The following PXDNL variants were observed in gnomAD, a reference collection of about 807,000 sequenced individuals.
The protein encoded by PXDNL is peroxidasin like.
PXDNL carries 145 observed loss-of-function variants against 150.8 expected under a neutral mutation model. That is an observed-to-expected ratio of 0.96 (90% CI 0.84 to 1.10). The LOEUF (loss-of-function observed/expected upper bound fraction) is 1.10, where lower values mean the gene tolerates loss of function less well. Among genes scored for constraint, PXDNL ranks in the 50% least tolerant of loss-of-function variants. The pLI, the probability that PXDNL is intolerant of heterozygous loss-of-function variation, is 0.00. For synonymous variants in PXDNL, 757 were observed against 725.7 expected (o/e 1.04, Z -0.69); for missense variants, 2,087 against 1,873.9 (o/e 1.11, Z -2.10).
intron 1 of PXDNL, among the ~76,000 whole-genome samples, chr8:51,722,914 TG>T (rs1252459687): frequency 1.3e-5 from 2 of 152,094 alleles, no homozygotes; most frequent in African/African-American, 4.8e-5. Context: ...GTGGGGCCTT[TG>T]CCAGGGAACT....
chr8:51,693,346 G>C (rs16916721), intron 1 of PXDNL, among the ~76,000 whole-genome samples: 5,111 of 152,222 alleles, frequency 0.034, 282 homozygotes, highest in African/African-American at 0.11. Flanking sequence ...CATTACATTA[G>C]GATCAGTAGC....
intron 1 of PXDNL, among the ~76,000 whole-genome samples, chr8:51,767,540 G>T (rs1337536845): frequency 6.6e-6 from 1 of 152,016 alleles, no homozygotes; most frequent in Non-Finnish European, 1.5e-5. Context: ...TTGTTCAGGG[G>T]CTGTATATGT....
intron 2 of PXDNL, among the ~76,000 whole-genome samples, chr8:51,644,318 T>TTATATATATATATATATATATTTA (rs1406776100): frequency 1.6e-5 from 1 of 63,270 alleles, no homozygotes; most frequent in African/African-American, 3.7e-5. Flanking sequence ...AGGCACATTT[T>TTATATATATATATATATATATTTA]TACATATATA....
At chr8:51,759,990 G>C (rs951568533) in intron 1 of PXDNL, among the ~76,000 whole-genome samples, 2 of 152,150 alleles carry the variant, frequency 1.3e-5, no homozygotes, top group African/African-American at 4.8e-5. Flanking sequence ...TTCTCTATCA[G>C]TTCTGAGGCT....
intron 4 of PXDNL, among the ~76,000 whole-genome samples, chr8:51,527,563 C>T (rs1252965486): frequency 6.6e-6 from 1 of 152,180 alleles, no homozygotes; most frequent in Non-Finnish European, 1.5e-5. Flanking sequence ...TTATTATCCA[C>T]AGGAGATGTT....
chr8:51,409,511 TGGCGATGA>T lies in PXDNL; in HGVS notation c.2105_2112del (p.Leu702GlnfsTer316). ...CTGCGAGCTGTGCATCCAGATAAATTGGCGATGAGGCTGAGGGAGCGCGGGGACACCAA... is the reference window on the plus strand; with the variant it reads ...CTGCGAGCTGTGCATCCAGATAAATTGGCTGAGGGAGCGCGGGGACACCAA... On this transcript the variant is annotated frameshift_variant, in exon 17 of 23. Transcript: ENST00000356297. LOFTEE classifies it high-confidence loss of function. 1 of 1,610,186 alleles carries T rather than the reference TGGCGATGA, an allele frequency of 6.2e-7. No individual in the cohort carries two copies. The highest frequency in any genetic ancestry group is 8.5e-7 in the Non-Finnish European group (1 of 1,178,810).
intron 9 of PXDNL, among the ~76,000 whole-genome samples, chr8:51,455,915 T>C (rs576518984): frequency 6.6e-6 from 1 of 152,278 alleles, no homozygotes; most frequent in Admixed American, 6.5e-5. Flanking sequence ...TTAAATAAAT[T>C]ACTTGGAAAC....
chr8:51,551,994 T>A (rs1275283181), intron 4 of PXDNL, among the ~76,000 whole-genome samples: 1 of 151,784 alleles, frequency 6.6e-6, no homozygotes, highest in African/African-American at 2.4e-5. Flanking sequence ...ATGCAAGTAA[T>A]CCCATCAAAA....
chr8:51,434,242 T>A (rs1051224240), intron 12 of PXDNL, among the ~76,000 whole-genome samples: 1 of 152,270 alleles, frequency 6.6e-6, no homozygotes, highest in South Asian at 2.1e-4. Context: ...GCTACTGACA[T>A]AAAGCCTGTT....
At chr8:51,730,312 C>T (rs1311320872) in intron 1 of PXDNL, among the ~76,000 whole-genome samples, 3 of 152,194 alleles carry the variant, frequency 2.0e-5, no homozygotes, top group Non-Finnish European at 2.9e-5. Context: ...AATCAAATAA[C>T]CTTTTCTGAA....
intron 1 of PXDNL, among the ~76,000 whole-genome samples, chr8:51,753,142 G>C (rs79092986): frequency 6.6e-6 from 1 of 152,230 alleles, no homozygotes; most frequent in Non-Finnish European, 1.5e-5. Flanking sequence ...GATTTCTCTT[G>C]ATTGCGTAAC....
intron 1 of PXDNL, among the ~76,000 whole-genome samples, chr8:51,702,248 AG>A (rs1341972212): frequency 6.6e-6 from 1 of 152,170 alleles, no homozygotes; most frequent in Non-Finnish European, 1.5e-5. Flanking sequence ...GACTGACTTC[AG>A]AATGACTTGT....
chr8:51,725,195 T>C (rs1816799920), intron 1 of PXDNL, among the ~76,000 whole-genome samples: 1 of 152,132 alleles, frequency 6.6e-6, no homozygotes, highest in Non-Finnish European at 1.5e-5. Context: ...CTAGAAAGTA[T>C]CAGATCTTCC....
chr8:51,332,172 A>G (rs955788120), intron 21 of PXDNL, among the ~76,000 whole-genome samples: 1 of 152,204 alleles, frequency 6.6e-6, no homozygotes, highest in East Asian at 1.9e-4. Flanking sequence ...AGAAACCACC[A>G]GGACCAGCCA....
chr8:51,395,435 G>A (rs1224026561), intron 17 of PXDNL, among the ~76,000 whole-genome samples: 2 of 152,102 alleles, frequency 1.3e-5, no homozygotes, highest in African/African-American at 4.8e-5. Context: ...GTGAAATGTA[G>A]ATATCAATGC....
Position 51,374,712 on chromosome 8 carries a change from CACCTGGAGAGCCGTACA to C in PXDNL, c.3560_3576del (p.Leu1187Ter). On this transcript the variant is annotated frameshift_variant and splice_region_variant, in exon 18 of 23. Transcript: ENST00000356297. LOFTEE classifies it high-confidence loss of function. Reference sequence around the variant, plus strand: ...ATAAGGGCGGGCCAGAGGTCAATGTCACCTGGAGAGCCGTACAACCTGGAACAGAGACAGGCAGACAG... The same window carrying C: ...ATAAGGGCGGGCCAGAGGTCAATGTCACCTGGAACAGAGACAGGCAGACAG... 1 of 1,613,854 alleles carries C rather than the reference CACCTGGAGAGCCGTACA, an allele frequency of 6.2e-7. No homozygotes were observed. Among genetic ancestry groups the C allele is most frequent in the South Asian group, 1.1e-5 (1 of 91,066 alleles).
intron 2 of PXDNL, among the ~76,000 whole-genome samples, chr8:51,607,775 G>C (rs893465436): frequency 6.8e-6 from 1 of 146,132 alleles, no homozygotes; most frequent in Admixed American, 6.8e-5. Context: ...AGGAAGCAGA[G>C]GCTGCAGTGA....
intron 4 of PXDNL, among the ~76,000 whole-genome samples, chr8:51,535,412 C>T (rs1224400697): frequency 9.8e-6 from 1 of 102,206 alleles, no homozygotes; most frequent in Middle Eastern, 3.6e-3. Flanking sequence ...TGATCTGTGA[C>T]CTTATCCCCA....
chr8:51,607,932 AAGAAAGAGAG>A (rs1294830755), intron 2 of PXDNL, among the ~76,000 whole-genome samples: 17 of 142,160 alleles, frequency 1.2e-4, no homozygotes, highest in Admixed American at 1.2e-3. Context: ...GAAGGAAAGA[AAGAAAGAGAG>A]AGAAAGAAGA....
Sources: gnomAD v4.1 joint callset for allele counts (sites outside exome capture counted in the v4.1 genomes callset) on GRCh38, gnomAD v4.1.1 for gene constraint, MANE v1.5 for transcripts, NCBI Gene and HGNC (gene_info 2026-07-23, HGNC 2026-07-21) for gene names.